Variants in IL1RAPL1 observed in about 807,000 individuals in gnomAD.
IL1RAPL1 encodes interleukin 1 receptor accessory protein like 1, also known as interleukin-1 receptor accessory protein-like 1.
Under a neutral mutation model 48.4 loss-of-function variants are expected in IL1RAPL1, and 3 were observed. The observed-to-expected ratio is 0.06, with a 90% CI of 0.03 to 0.16. IL1RAPL1 has a LOEUF of 0.16. Among genes scored for constraint, IL1RAPL1 ranks in the 10% least tolerant of loss-of-function variants. IL1RAPL1 has a pLI of 1.00. For synonymous variants in IL1RAPL1, 185 were observed against 187.7 expected, an observed-to-expected ratio of 0.99 and a Z score of 0.12; for missense variants, 349 against 530.6, an observed-to-expected ratio of 0.66 and a Z score of 3.36.
chrX:29,032,070 T>C (rs1926630825), intron 2 of IL1RAPL1, among the ~76,000 whole-genome samples: 1 of 111,763 alleles, frequency 8.9e-6, no homozygotes, highest in Non-Finnish European at 1.9e-5. Context: ...AACTGGCAGA[T>C]TGTAGGCAGT....
chrX:28,836,482 T>C (rs1921221134), intron 2 of IL1RAPL1, among the ~76,000 whole-genome samples: 1 of 107,749 alleles, frequency 9.3e-6, no homozygotes, highest in Admixed American at 1.0e-4. Context: ...GGGTGTTAAC[T>C]CACTTCTCTC....
At chrX:29,157,811 CAGTGACTAGTGT>C (rs1302508957) in intron 2 of IL1RAPL1, among the ~76,000 whole-genome samples, 1 of 111,558 alleles carries the variant, frequency 9.0e-6, no homozygotes, top group Non-Finnish European at 1.9e-5. Context: ...GATTTTAGCT[CAGTGACTAGTGT>C]AGTAAATGCT....
At chrX:29,528,824 G>A (rs868217711) in intron 5 of IL1RAPL1, among the ~76,000 whole-genome samples, 7 of 111,734 alleles carry the variant, frequency 6.3e-5, no homozygotes, top group Non-Finnish European at 9.4e-5. Flanking sequence ...CCATCTACCC[G>A]TTATTCCTAG....
chrX:29,935,200 G>A (rs1373356648), intron 8 of IL1RAPL1, among the ~76,000 whole-genome samples: 4 of 110,397 alleles, frequency 3.6e-5, no homozygotes, highest in Admixed American at 9.7e-5. Context: ...AAGTTGTCCC[G>A]TTATTGGTGA....
At chrX:29,502,145 TA>T (rs1182583628) in intron 5 of IL1RAPL1, among the ~76,000 whole-genome samples, 1 of 111,571 alleles carries the variant, frequency 9.0e-6, no homozygotes, top group African/African-American at 3.3e-5. Context: ...TTGGTGTATA[TA>T]AATGCTATTC....
chrX:29,557,963 A>G (rs188762351), intron 5 of IL1RAPL1, among the ~76,000 whole-genome samples: 35 of 111,365 alleles, frequency 3.1e-4, no homozygotes, highest in Non-Finnish European at 6.0e-4. Flanking sequence ...TTGTTTATGT[A>G]TATTTGCTGT....
intron 6 of IL1RAPL1, among the ~76,000 whole-genome samples, chrX:29,756,633 G>A (rs1350535881): frequency 9.0e-6 from 1 of 110,919 alleles, no homozygotes; most frequent in South Asian, 3.8e-4. Flanking sequence ...GGCTGGTCTC[G>A]AACTCCCGAC....
At chrX:29,425,357 G>A (rs777032000) in intron 5 of IL1RAPL1, among the ~76,000 whole-genome samples, 4 of 111,518 alleles carry the variant, frequency 3.6e-5, no homozygotes, top group South Asian at 7.6e-4. Flanking sequence ...TGAGGGCAGG[G>A]AACAAAACAA....
intron 6 of IL1RAPL1, among the ~76,000 whole-genome samples, chrX:29,764,341 A>T (rs188792742): frequency 1.5e-4 from 17 of 111,665 alleles, no homozygotes; most frequent in Admixed American, 2.9e-4. Flanking sequence ...CGATTGCTTT[A>T]TCTTTATCTC....
rs1199679874 is a variant in IL1RAPL1 at position 28,900,942 on chromosome X, T to C, written c.82+111517T>C. 4.5e-5 allele frequency among the ~76,000 whole-genome samples: 5 copies of C among 111,886 alleles called. No individual in the cohort carries two copies. In the Admixed American group the frequency reaches 4.8e-4, roughly 11 times the overall value. On this transcript the variant is annotated intron_variant, in intron 2 of 10. Transcript: ENST00000378993. ...ACTCTTATATATCACATAAAACATA[T>C]ACTAGGTCCATTACATAGTACAAAG...
intron 3 of IL1RAPL1, among the ~76,000 whole-genome samples, chrX:29,373,611 G>A (rs7061725): frequency 0.11 from 11,748 of 109,978 alleles, 488 homozygotes; most frequent in South Asian, 0.16. Flanking sequence ...GTTCTTTGAT[G>A]TTGTTGTTGT....
At chrX:28,958,202 A>G (rs147622216) in intron 2 of IL1RAPL1, among the ~76,000 whole-genome samples, 3,150 of 110,699 alleles carry the variant, frequency 0.028, 90 homozygotes, top group African/African-American at 0.098. Context: ...ATGTTGCACA[A>G]TAGATCTCTT....
At chrX:29,483,573 C>T (rs973215828) in intron 5 of IL1RAPL1, among the ~76,000 whole-genome samples, 1 of 111,844 alleles carries the variant, frequency 8.9e-6, no homozygotes, top group Non-Finnish European at 1.9e-5. Context: ...GAGACTACAA[C>T]TGTGAAGCTA....
At chrX:29,828,468 A>G (rs1930792826) in intron 6 of IL1RAPL1, among the ~76,000 whole-genome samples, 1 of 111,625 alleles carries the variant, frequency 9.0e-6, no homozygotes, top group South Asian at 3.8e-4. Context: ...TAGTTTATGT[A>G]TATATTTTGA....
intron 2 of IL1RAPL1, among the ~76,000 whole-genome samples, chrX:29,252,205 T>C (rs1411136167): frequency 1.8e-5 from 2 of 111,809 alleles, no homozygotes; most frequent in African/African-American, 6.7e-5. Flanking sequence ...GCATGGCACA[T>C]GTATACATAT....
rs150453676 is a variant in IL1RAPL1 at position 28,680,985 on chromosome X, G to A, written c.-25+92938G>A. On this transcript the variant is annotated intron_variant, in intron 1 of 10. Transcript: ENST00000378993. ...TTTTGAAAGGGTTTGAGAAGGATTG[G>A]TATTAATATTTCTTTGAATGTTTGG... Among the ~76,000 whole-genome samples the A allele has an allele frequency of 5.4e-3, 606 of 111,464 alleles. 5 individuals carry two copies. The highest frequency in any genetic ancestry group is 0.019 in the African/African-American group (570 of 30,771).
At chrX:29,418,116 TATA>T (rs1165148423) in intron 5 of IL1RAPL1, among the ~76,000 whole-genome samples, 1,683 of 38,896 alleles carry the variant, frequency 0.043, 55 homozygotes, top group African/African-American at 0.068. Flanking sequence ...TATATATATA[TATA>T]TATATATTTT....
At chrX:28,777,479 T>C (rs1936372810) in intron 1 of IL1RAPL1, among the ~76,000 whole-genome samples, 1 of 112,038 alleles carries the variant, frequency 8.9e-6, no homozygotes, top group Non-Finnish European at 1.9e-5. Flanking sequence ...CTTTTAATTT[T>C]AACAGTTATT....
intron 6 of IL1RAPL1, among the ~76,000 whole-genome samples, chrX:29,861,366 C>G (rs958389128): frequency 3.6e-5 from 4 of 111,404 alleles, no homozygotes; most frequent in Non-Finnish European, 5.7e-5. Flanking sequence ...ACTCAGGTGT[C>G]AGTATTTTAA....
Sources: gnomAD v4.1 joint callset for allele counts (sites outside exome capture counted in the v4.1 genomes callset) on GRCh38, gnomAD v4.1.1 for gene constraint, MANE v1.5 for transcripts, NCBI Gene and HGNC (gene_info 2026-07-23, HGNC 2026-07-21) for gene names.